ATP9B: variants seen among roughly 807,000 people sequenced by gnomAD.
The protein encoded by ATP9B is probable phospholipid-transporting ATPase IIB.
ATP9B carries 110 observed loss-of-function variants against 146.1 expected under a neutral mutation model. That is an observed-to-expected ratio of 0.75 (90% confidence interval 0.65 to 0.88). The LOEUF is 0.88. Among genes scored for constraint, ATP9B ranks in the 40% least tolerant of loss-of-function variants. The probability of loss-of-function intolerance (pLI) is 0.00; values close to 1 mark genes in which losing one functional copy is unlikely to be tolerated. For missense variants in ATP9B, 1,499 were observed against 1,496.4 expected, an observed-to-expected ratio of 1.00 and a Z score of -0.03; for synonymous variants, 604 against 569.7, an observed-to-expected ratio of 1.06 and a Z score of -0.86.
In ATP9B at chr18:79,253,439, T is replaced by C; in HGVS notation, c.1166T>C (p.Val389Ala). The change falls in exon 12 of 30, where the codon GTT becomes GCT. Residue 389 changes from valine to alanine, a missense_variant. Val to Ala is a moderately conservative substitution (Grantham distance 64). Transcript: ENST00000426216. The stretch of plus-strand genomic sequence containing the variant: ...ACGAAAGCGCTATTTTTGGCTTTAG[T>C]TGCTCTTTCCATTGTTATGGTAACC... Reference protein sequence around the residue: ...RLTKALFLALVALSIVMVTLQ... With the variant: ...RLTKALFLALAALSIVMVTLQ... 6.2e-7 allele frequency: 1 copy of C among 1,613,580 alleles called. No individual in the cohort carries two copies. Among genetic ancestry groups the C allele is most frequent in the Non-Finnish European group, 8.5e-7 (1 of 1,179,882 alleles).
chr18:79,175,700 T>C (rs138953531), intron 7 of ATP9B, among the ~76,000 whole-genome samples: 6 of 152,324 alleles, frequency 3.9e-5, no homozygotes, highest in African/African-American at 7.2e-5. Flanking sequence ...TATACATGCA[T>C]ATTATACACA....
At chr18:79,337,579 C>T in intron 19 of ATP9B, 130 bp downstream of exon 19, 2 of 1,228,746 alleles carry the variant, frequency 1.6e-6, no homozygotes, top group South Asian at 1.6e-5. Flanking sequence ...GCAGAGCTGC[C>T]CACCAGCTCC....
rs78864932 is a variant in ATP9B, at chr18:79,327,846, C to T, written c.1774-1295C>T. 3.1e-4 allele frequency among the ~76,000 whole-genome samples: 12 copies of T among 38,478 alleles called. 2 individuals carry two copies. The highest frequency in any genetic ancestry group is 3.0e-3 in the East Asian group (3 of 1,014). The allele number at this position is 38,478 out of a possible 152,430, so 25.2% of individuals were successfully genotyped here. On this transcript the variant is annotated intron_variant, in intron 15 of 29. Coordinates refer to ENST00000426216, the MANE Select transcript of ATP9B (RefSeq NM_198531.5). ...TGGTTAGTGTGTTCTCCGTGGTTAGCGTGCTCTCCATGGTTAGCGTGCTCT... is the reference window on the plus strand; with the variant it reads ...TGGTTAGTGTGTTCTCCGTGGTTAGTGTGCTCTCCATGGTTAGCGTGCTCT...
intron 2 of ATP9B, among the ~76,000 whole-genome samples, chr18:79,101,280 A>G (rs977664288): frequency 1.1e-4 from 16 of 152,182 alleles, no homozygotes; most frequent in Non-Finnish European, 1.8e-4. Context: ...TTTTAATATC[A>G]AGAATGTTAC....
intron 19 of ATP9B, among the ~76,000 whole-genome samples, chr18:79,341,167 C>T (rs1413749955): frequency 6.6e-6 from 1 of 150,686 alleles, no homozygotes; most frequent in Non-Finnish European, 1.5e-5. Context: ...TCTGTGTTGC[C>T]GACACACCAT....
chr18:79,306,518 G>C (rs528927355), intron 14 of ATP9B, among the ~76,000 whole-genome samples: 1 of 152,318 alleles, frequency 6.6e-6, no homozygotes, highest in South Asian at 2.1e-4. Flanking sequence ...AGACTACTGA[G>C]AGCAGGATTA....
Position 79,230,600 on chromosome 18 carries a change from A to G in ATP9B, c.1107+16562A>G, listed in dbSNP as rs1027490374. 2.6e-5 allele frequency among the ~76,000 whole-genome samples: 4 copies of G among 152,340 alleles called. No homozygotes were observed. In the East Asian group the frequency reaches 7.7e-4, roughly 29 times the overall value. The stretch of plus-strand genomic sequence containing the variant: ...ACACAGACAAATGGAAACACATCCC[A>G]TGCTCATGGATGGGTAGAATCAATA... On this transcript the variant is annotated intron_variant, in intron 11 of 29. Transcript: ENST00000426216.
At chr18:79,143,456 G>A (rs1040693900) in intron 5 of ATP9B, among the ~76,000 whole-genome samples, 16 of 152,236 alleles carry the variant, frequency 1.1e-4, no homozygotes, top group Admixed American at 7.2e-4. Flanking sequence ...TTACATCTCT[G>A]TGTTAAGTTT....
At chr18:79,371,533 C>T (rs1298103419) in intron 26 of ATP9B, among the ~76,000 whole-genome samples, 5 of 152,222 alleles carry the variant, frequency 3.3e-5, no homozygotes, top group African/African-American at 4.8e-5. Context: ...TGTCACCACA[C>T]TTGTCTTTTA....
At chr18:79,131,202 C>A (rs538168823) in intron 5 of ATP9B, among the ~76,000 whole-genome samples, 2 of 152,138 alleles carry the variant, frequency 1.3e-5, no homozygotes, top group Admixed American at 6.5e-5. Flanking sequence ...TAAACAAAAG[C>A]TAATACGCTT....
At chr18:79,170,604 A>AT (rs2095055689) in intron 7 of ATP9B, among the ~76,000 whole-genome samples, 2 of 152,050 alleles carry the variant, frequency 1.3e-5, no homozygotes, top group African/African-American at 4.8e-5. Flanking sequence ...ATCTTAATAT[A>AT]TTTTTTAGGT....
intron 5 of ATP9B, among the ~76,000 whole-genome samples, chr18:79,128,052 CTTTTTTTTTTTT>C (rs1173565651): frequency 2.8e-5 from 2 of 71,686 alleles, no homozygotes; most frequent in African/African-American, 6.1e-5. Context: ...CCTTTGCCGA[CTTTTTTTTTTTT>C]TTTTTTTTTT....
chr18:79,361,889 A>T, intron 26 of ATP9B: 1 of 688,660 alleles, frequency 1.5e-6, no homozygotes, highest in Non-Finnish European at 1.8e-6. Context: ...CCTGCGATGT[A>T]GGACAACATA....
intron 8 of ATP9B, among the ~76,000 whole-genome samples, chr18:79,188,429 A>T (rs2095329495): frequency 6.6e-6 from 1 of 152,164 alleles, no homozygotes; most frequent in Non-Finnish European, 1.5e-5. Context: ...GTTAGAAGTT[A>T]TAATCAACTG....
rs569430575 is a variant in ATP9B at position 79,075,612 on chromosome 18, T to C, written c.119+6083T>C. 2.0e-5 allele frequency among the ~76,000 whole-genome samples: 3 copies of C among 152,344 alleles called. No individual in the cohort carries two copies. In the Middle Eastern group the frequency reaches 0.01, roughly 522 times the overall value. ...CTCTGAAATCTTCATCTGACACTAA[T>C]ATAGCTACCTCTGCTTTCCTTCAAT... On this transcript the variant is annotated intron_variant, in intron 1 of 29. Transcript: ENST00000426216.
intron 7 of ATP9B, among the ~76,000 whole-genome samples, chr18:79,156,180 C>G (rs1162100961): frequency 1.3e-5 from 2 of 152,128 alleles, no homozygotes; most frequent in South Asian, 2.1e-4. Context: ...ATACTTGATA[C>G]GTTTATTATG....
At chr18:79,124,912 G>C (rs1489981788) in intron 4 of ATP9B, among the ~76,000 whole-genome samples, 3 of 152,172 alleles carry the variant, frequency 2.0e-5, no homozygotes, top group African/African-American at 7.2e-5. Context: ...AGTGGGCTGA[G>C]GCCAGCTTTG....
In ATP9B at chr18:79,345,694, C is replaced by T. The variant is rs2096882378; in HGVS notation, c.2618-81C>T. 5 of 1,603,594 alleles carry T rather than the reference C, an allele frequency of 3.1e-6. No homozygotes were observed. The Admixed American group carries it at 8.4e-5, about 27-fold the overall frequency. On this transcript the variant is annotated intron_variant, in intron 22 of 29. Transcript: ENST00000426216. ...ATTTCATCTCCATTCATGGAAGTTT[C>T]TGAAATAGCTTCTGATGGTAAAAAT...
At chr18:79,229,262 A>G (rs1367336781) in intron 11 of ATP9B, among the ~76,000 whole-genome samples, 3 of 152,200 alleles carry the variant, frequency 2.0e-5, no homozygotes, top group African/African-American at 7.2e-5. Flanking sequence ...ATCAAATATA[A>G]CGGTACCACA....
Sources: allele counts gnomAD v4.1 joint callset (sites outside exome capture counted in the v4.1 genomes callset), GRCh38; gene constraint gnomAD v4.1.1; transcripts MANE v1.5; gene names NCBI Gene and HGNC (gene_info 2026-07-23, HGNC 2026-07-21).